The following SCAF11 variants were observed in gnomAD, a reference collection of about 807,000 sequenced individuals.
SCAF11 encodes the protein protein SCAF11.
A neutral mutation model predicts 140.5 loss-of-function variants in SCAF11; 47 were observed. That is an observed-to-expected ratio of 0.33 (90% CI 0.26 to 0.43). SCAF11 has a LOEUF of 0.43. SCAF11 is among the 20% of genes least tolerant of loss of function. SCAF11 has a pLI of 1.00. For missense variants in SCAF11, 1,645 were observed against 1,705.1 expected, an observed-to-expected ratio of 0.96 and a Z score of 0.62; for synonymous variants, 557 against 579.4, an observed-to-expected ratio of 0.96 and a Z score of 0.55.
intron 1 of SCAF11, among the ~76,000 whole-genome samples, chr12:45,966,691 G>T (rs1197141160): frequency 6.6e-6 from 1 of 152,014 alleles, no homozygotes; most frequent in East Asian, 1.9e-4. Context: ...TTGGCAGAGA[G>T]AATAGCCAAT....
intron 1 of SCAF11, among the ~76,000 whole-genome samples, chr12:45,977,244 T>C (rs1360176653): frequency 6.6e-6 from 1 of 152,084 alleles, no homozygotes; most frequent in Admixed American, 6.6e-5. Flanking sequence ...CATTCAATCA[T>C]ATAATGAAAT....
chr12:45,989,988 T>A (rs894213904), intron 1 of SCAF11, among the ~76,000 whole-genome samples: 5 of 132,476 alleles, frequency 3.8e-5, no homozygotes, highest in Non-Finnish European at 4.9e-5. Context: ...CCCCCCCCCG[T>A]AGGACCCTGC....
At chr12:45,932,291 C>T (rs11183240) in intron 9 of SCAF11, among the ~76,000 whole-genome samples, 1 of 152,076 alleles carries the variant, frequency 6.6e-6, no homozygotes, top group East Asian at 1.9e-4. Flanking sequence ...AAACCCAAAC[C>T]ACTTCTTGGC....
Position 45,939,646 on chromosome 12 carries a change from C to T in SCAF11, c.464-5141G>A, listed in dbSNP as rs777872043. Among the ~76,000 whole-genome samples the T allele has an allele frequency of 7.2e-5, 11 of 152,112 alleles. No individual in the cohort carries two copies. In the East Asian group the frequency reaches 1.3e-3, roughly 19 times the overall value. On this transcript the variant is annotated intron_variant, in intron 6 of 14. Coordinates refer to ENST00000369367, the MANE Select transcript of SCAF11 (RefSeq NM_004719.3). The stretch of plus-strand genomic sequence containing the variant: ...CCAGGAGGCGGAGGTTGCAGTGAGC[C>T]GAGATCGTGCCATTGAGATCGTGCC...
chr12:45,930,445 G>GTTTT lies in SCAF11; in HGVS notation c.841+1057_841+1060dup, dbSNP rs1262102132. On this transcript the variant is annotated intron_variant, in intron 10 of 14. Coordinates refer to ENST00000369367, the MANE Select transcript of SCAF11 (RefSeq NM_004719.3). ...TAAACCAGGTTTTGCGTTGTGTTTT[G>GTTTT]TTTTTTTTTTGTTTTTTTTTTTTTT... Among the ~76,000 whole-genome samples, 25 of 123,710 alleles carry GTTTT rather than the reference G, an allele frequency of 2.0e-4. 1 individual carries two copies. Among genetic ancestry groups the GTTTT allele is most frequent in the African/African-American group, 8.0e-4 (23 of 28,736 alleles). The allele number at this position is 123,710 out of a possible 152,430, so 81.2% of individuals were successfully genotyped here.
At chr12:45,966,854 C>G (rs1407530264) in intron 1 of SCAF11, among the ~76,000 whole-genome samples, 1 of 152,092 alleles carries the variant, frequency 6.6e-6, no homozygotes, top group Non-Finnish European at 1.5e-5. Flanking sequence ...TCATACCATA[C>G]TATCTCCTTC....
rs868060438 is a variant in SCAF11 at position 45,924,776 on chromosome 12, G to C, written c.3858C>G (p.Ser1286=). 1 of 1,613,046 alleles carries C rather than the reference G, an allele frequency of 6.2e-7. No homozygotes were observed. Among genetic ancestry groups the C allele is most frequent in the African/African-American group, 1.3e-5 (1 of 74,932 alleles). ...GTGAAGCAATGTAGTTGACTTGTTGGGATGGTGGGGGAGGGGGTGGTGGTG... is the reference window on the plus strand; with the variant it reads ...GTGAAGCAATGTAGTTGACTTGTTGCGATGGTGGGGGAGGGGGTGGTGGTG... ...LPPPPPPPPP[S]QQVNYIASQP... is the part of the protein sequence containing the mutation. Residue 1286 remains serine (S), a synonymous_variant, in exon 12 of 15, where the codon TCC becomes TCG. Coordinates refer to ENST00000369367, the MANE Select transcript of SCAF11 (RefSeq NM_004719.3).
chr12:45,925,313 G>A (rs1197903247), intron 11 of SCAF11, among the ~76,000 whole-genome samples: 1 of 152,192 alleles, frequency 6.6e-6, no homozygotes, highest in Non-Finnish European at 1.5e-5. Context: ...AGCACTTTGG[G>A]AGGCCAAGGC....
rs1565658064 is a variant in SCAF11, at chr12:45,926,569, CTCTT to C, written c.3128_3131del (p.Lys1043SerfsTer107). 6.2e-7 allele frequency: 1 copy of C among 1,613,054 alleles called. No homozygotes were observed. Among genetic ancestry groups the C allele is most frequent in the Admixed American group, 1.7e-5 (1 of 59,740 alleles). ...CATTTCTATTTTCTTCCCAATGAGA[CTCTT>C]TCAACTTTTCTGGATTTCTGGTTCT... is the stretch of plus-strand genomic sequence containing the variant. On this transcript the variant is annotated frameshift_variant, in exon 11 of 15. Transcript: ENST00000369367. LOFTEE classifies it high-confidence loss of function.
chr12:45,963,448 G>A (rs1272229671), intron 2 of SCAF11, among the ~76,000 whole-genome samples: 1 of 151,230 alleles, frequency 6.6e-6, no homozygotes, highest in East Asian at 1.9e-4. Flanking sequence ...TATCTTCAAA[G>A]TGCTAAGAGA....
At chr12:45,969,907 T>G (rs1436431718) in intron 1 of SCAF11, among the ~76,000 whole-genome samples, 1 of 152,160 alleles carries the variant, frequency 6.6e-6, no homozygotes, top group Non-Finnish European at 1.5e-5. Context: ...CAACCATTTT[T>G]TTTTTCTTAA....
chr12:45,964,664 C>T lies in SCAF11; in HGVS notation c.-21-476G>A, dbSNP rs1945902048. Among the ~76,000 whole-genome samples, 3 of 146,892 alleles carry T rather than the reference C, an allele frequency of 2.0e-5. No individual in the cohort carries two copies. The South Asian group carries it at 6.4e-4, about 31-fold the overall frequency. ...CCTGGGGGACACAGTGAGACTCTGT[C>T]TCAAAAAAAAAAAACGGAAAGGAAA... On this transcript the variant is annotated intron_variant, in intron 1 of 14. Transcript: ENST00000369367.
At chr12:45,976,382 G>A (rs964983729) in intron 1 of SCAF11, among the ~76,000 whole-genome samples, 1 of 151,988 alleles carries the variant, frequency 6.6e-6, no homozygotes, top group South Asian at 2.1e-4. Context: ...TGTTATAATT[G>A]TTCTATTATT....
intron 1 of SCAF11, among the ~76,000 whole-genome samples, chr12:45,976,781 C>T (rs1295940004): frequency 6.6e-6 from 1 of 151,908 alleles, no homozygotes; most frequent in Non-Finnish European, 1.5e-5. Context: ...TTTAAACTTG[C>T]ACCTTAAACT....
chr12:45,928,307 T>G lies in SCAF11; in HGVS notation c.1394A>C (p.Asp465Ala), dbSNP rs1303436337. Residue 465 changes from aspartate to alanine, a missense_variant, in exon 11 of 15, where the codon GAT (aspartate) becomes GCT (alanine). Physicochemically the swap from Asp to Ala is moderately radical, Grantham distance 126. Coordinates refer to ENST00000369367, the MANE Select transcript of SCAF11 (RefSeq NM_004719.3). ...TGAAGATCCTACTCTTTCCTCTGTA[T>G]CATAATTTGCAGTATGCTTCTCACT... is the stretch of plus-strand genomic sequence containing the variant. ...EESEKHTANY[D>A]TEERVGSSSS... 4.3e-6 allele frequency: 7 copies of G among 1,613,946 alleles called. No homozygotes were observed. Among genetic ancestry groups the G allele is most frequent in the Non-Finnish European group, 5.9e-6 (7 of 1,179,998 alleles).
At chr12:45,925,315 G>A (rs1337925350) in intron 11 of SCAF11, among the ~76,000 whole-genome samples, 2 of 152,196 alleles carry the variant, frequency 1.3e-5, no homozygotes, top group Non-Finnish European at 2.9e-5. Context: ...CACTTTGGGA[G>A]GCCAAGGCGG....
chr12:45,951,632 C>A lies in SCAF11; in HGVS notation c.297+18G>T. The A allele has an allele frequency of 6.8e-7, 1 of 1,472,638 alleles. No homozygotes were observed. The highest frequency in any genetic ancestry group is 9.3e-7 in the Non-Finnish European group (1 of 1,079,546). The allele number at this position is 1,472,638 out of a possible 1,614,324, so 91.2% of individuals were successfully genotyped here. A position where few individuals can be genotyped will look rare whatever the true frequency, so the allele number is the denominator to read the frequency against. ...ATTAATTTTTATATAATTCATGTTGCAGAATAAAAAGACTTACCTTAACAT... is the reference window on the plus strand; with the variant it reads ...ATTAATTTTTATATAATTCATGTTGAAGAATAAAAAGACTTACCTTAACAT... On this transcript the variant is annotated intron_variant, in intron 4 of 14. Transcript: ENST00000369367.
At chr12:45,972,951 GATAT>G (rs1364511379) in intron 1 of SCAF11, among the ~76,000 whole-genome samples, 1 of 111,394 alleles carries the variant, frequency 9.0e-6, no homozygotes, top group African/African-American at 5.8e-5. Flanking sequence ...TATATATATA[GATAT>G]ATAGATATAT....
chr12:45,952,362 GAAT>G (rs1421325055), intron 3 of SCAF11, among the ~76,000 whole-genome samples: 3 of 152,084 alleles, frequency 2.0e-5, no homozygotes, highest in African/African-American at 4.8e-5. Flanking sequence ...ATCCTTAACA[GAAT>G]AATATGAATA....
Sources: allele counts gnomAD v4.1 joint callset (sites outside exome capture counted in the v4.1 genomes callset), GRCh38; gene constraint gnomAD v4.1.1; transcripts MANE v1.5; gene names NCBI Gene and HGNC (gene_info 2026-07-23, HGNC 2026-07-21).